Variants in CCDC7 observed in about 807,000 individuals in gnomAD.
The protein encoded by CCDC7 is coiled-coil domain containing 7.
CCDC7 carries 183 observed loss-of-function variants against 196.9 expected under a neutral mutation model. That is an observed-to-expected ratio of 0.93 (90% confidence interval 0.82 to 1.05). The LOEUF is 1.05. Ranked by LOEUF, CCDC7 falls within the 50% of genes least tolerant of loss-of-function variation. The pLI is 0.00. For missense variants in CCDC7, 1,540 were observed against 1,482.2 expected (o/e 1.04, Z -0.64); for synonymous variants, 525 against 484.6 (o/e 1.08, Z -1.10).
chr10:32,653,691 A>G (rs1177610965), intron 20 of CCDC7, among the ~76,000 whole-genome samples: 3 of 152,190 alleles, frequency 2.0e-5, no homozygotes, highest in Non-Finnish European at 4.4e-5. Context: ...AGCCAAAGGA[A>G]AAATCTTACA....
intron 21 of CCDC7, among the ~76,000 whole-genome samples, chr10:32,670,517 A>C (rs917299797): frequency 6.7e-6 from 1 of 148,648 alleles, no homozygotes; most frequent in Non-Finnish European, 1.5e-5. Flanking sequence ...CATTAGGTAT[A>C]TCTCCCAGTG....
intron 18 of CCDC7, among the ~76,000 whole-genome samples, chr10:32,598,322 T>A (rs1228925244): frequency 1.3e-5 from 2 of 152,196 alleles, no homozygotes; most frequent in African/African-American, 4.8e-5. Context: ...GGATATAATC[T>A]CCTGGTATGC....
In CCDC7 at chr10:32,559,727, C is replaced by A. The variant is rs1293859732; in HGVS notation, c.1135-5831C>A. 1.2e-4 allele frequency among the ~76,000 whole-genome samples: 18 copies of A among 151,542 alleles called. No individual in the cohort carries two copies. In the East Asian group the frequency reaches 3.5e-3, roughly 29 times the overall value. ...TAAAACCACAAAGATGGGGAAAAAA[C>A]AGAGCAGAAAAACTGGAAACTCTAA... On this transcript the variant is annotated intron_variant, in intron 13 of 41. Coordinates refer to ENST00000639629, the Ensembl canonical transcript of CCDC7.
At chr10:32,623,728 G>T in intron 18 of CCDC7, 1 of 469,786 alleles carries the variant, frequency 2.1e-6, no homozygotes, top group Non-Finnish European at 4.4e-6. Flanking sequence ...GGCAGTACAA[G>T]AAACATGGTG....
chr10:32,554,353 A>G (rs1362891251), intron 13 of CCDC7, among the ~76,000 whole-genome samples: 1 of 152,162 alleles, frequency 6.6e-6, no homozygotes, highest in South Asian at 2.1e-4. Context: ...GCCCTGTTCA[A>G]ATTGTTACAA....
intron 28 of CCDC7, among the ~76,000 whole-genome samples, chr10:32,767,876 G>A (rs2078575194): frequency 6.6e-6 from 1 of 151,968 alleles, no homozygotes. Flanking sequence ...ACATAGAGAA[G>A]GAATCCAGAA....
chr10:32,586,216 G>A (rs575804142), intron 18 of CCDC7, among the ~76,000 whole-genome samples: 1 of 152,144 alleles, frequency 6.6e-6, no homozygotes, highest in African/African-American at 2.4e-5. Flanking sequence ...CTTTTTGATG[G>A]GGTTGTTTGT....
intron 29 of CCDC7, among the ~76,000 whole-genome samples, chr10:32,783,703 T>TAAC (rs2081389788): frequency 6.6e-6 from 1 of 152,230 alleles, no homozygotes. Context: ...CCAGCATTTA[T>TAAC]AACAGCATTA....
intron 28 of CCDC7, among the ~76,000 whole-genome samples, chr10:32,755,953 GAT>G (rs2076371455): frequency 6.6e-6 from 1 of 152,160 alleles, no homozygotes; most frequent in Non-Finnish European, 1.5e-5. Context: ...AGAACTATGT[GAT>G]ACATGCACAA....
rs193030401 is a variant in CCDC7, at chr10:32,720,093, G to A, written c.2570-6641G>A. On this transcript the variant is annotated intron_variant, in intron 25 of 41. Transcript: ENST00000639629. ...TTATACTATAAAGACACATGCACAC[G>A]TATGTTTATTGCAGCACTATTCACA... is the stretch of plus-strand genomic sequence containing the variant. Among the ~76,000 whole-genome samples, 804 of 152,170 alleles carry A rather than the reference G, an allele frequency of 5.3e-3. 3 individuals are homozygous for A. Among genetic ancestry groups the A allele is most frequent in the Middle Eastern group, 0.014 (4 of 294 alleles).
Position 32,848,590 on chromosome 10 carries a change from T to C in CCDC7, c.3773-6T>C. 2 of 1,460,934 alleles carry C rather than the reference T, an allele frequency of 1.4e-6. No individual in the cohort carries two copies. The highest frequency in any genetic ancestry group is 1.9e-6 in the Non-Finnish European group (2 of 1,039,906). 90.5% of individuals were successfully genotyped at this position (1,460,934 alleles called of 1,614,324 possible). On this transcript the variant is annotated splice_polypyrimidine_tract_variant and splice_region_variant and intron_variant, in intron 38 of 41. Coordinates refer to ENST00000639629, the Ensembl canonical transcript of CCDC7. ...ATGCACTTTTTCTTTTAAAATTTTATTTTAGATGTGAACTTATTTAAAAAC... is the reference window on the plus strand; with the variant it reads ...ATGCACTTTTTCTTTTAAAATTTTACTTTAGATGTGAACTTATTTAAAAAC...
chr10:32,673,388 TATTA>T (rs1486104455), intron 21 of CCDC7, among the ~76,000 whole-genome samples: 2 of 152,116 alleles, frequency 1.3e-5, no homozygotes, highest in African/African-American at 2.4e-5. Context: ...ATTGTAACAA[TATTA>T]ATTTTTCCAT....
Position 32,834,504 on chromosome 10 carries a change from G to A in CCDC7, c.3269-311G>A, listed in dbSNP as rs115312432. ...GGAAAAGAGGCAGCATTGTATGGAAGAAAGCACTGGTTAAGGAGTAACAAA... is the reference window on the plus strand; with the variant it reads ...GGAAAAGAGGCAGCATTGTATGGAAAAAAGCACTGGTTAAGGAGTAACAAA... On this transcript the variant is annotated intron_variant, in intron 32 of 41. Coordinates refer to ENST00000639629, the Ensembl canonical transcript of CCDC7. 5.6e-3 allele frequency among the ~76,000 whole-genome samples: 850 copies of A among 152,172 alleles called. 14 individuals carry two copies. The highest frequency in any genetic ancestry group is 0.02 in the African/African-American group (831 of 41,552).
intron 16 of CCDC7, among the ~76,000 whole-genome samples, chr10:32,574,905 CTCAT>C (rs1290648403): frequency 6.6e-6 from 1 of 152,130 alleles, no homozygotes; most frequent in African/African-American, 2.4e-5. Flanking sequence ...GTTAAATTTA[CTCAT>C]TCATTTATTC....
chr10:32,516,696 A>G (rs774045183), intron 9 of CCDC7, among the ~76,000 whole-genome samples: 42 of 152,352 alleles, frequency 2.8e-4, no homozygotes, highest in Admixed American at 9.1e-4. Flanking sequence ...AAGTATGTAG[A>G]GAGATTGGGA....
chr10:32,676,971 A>G (rs550180652), intron 21 of CCDC7, among the ~76,000 whole-genome samples: 1 of 152,088 alleles, frequency 6.6e-6, no homozygotes, highest in East Asian at 1.9e-4. Context: ...AACCAACCCA[A>G]ATGTCCAACA....
chr10:32,568,778 T>C (rs1440940690), intron 15 of CCDC7, among the ~76,000 whole-genome samples: 3 of 152,180 alleles, frequency 2.0e-5, no homozygotes, highest in Non-Finnish European at 4.4e-5. Context: ...AGCTAGCTAT[T>C]AGCACCTCCA....
At chr10:32,488,925 G>T (rs2041711895) in intron 8 of CCDC7, among the ~76,000 whole-genome samples, 2 of 152,198 alleles carry the variant, frequency 1.3e-5, no homozygotes, top group African/African-American at 4.8e-5. Flanking sequence ...TGAGGTTGTG[G>T]CAGTTTAGTG....
chr10:32,820,361 C>A (rs1406962971), intron 31 of CCDC7, among the ~76,000 whole-genome samples: 2 of 152,112 alleles, frequency 1.3e-5, no homozygotes, highest in African/African-American at 2.4e-5. Flanking sequence ...TAGGAAGAAT[C>A]AATAGAATTG....
Sources: gnomAD v4.1 joint callset for allele counts (sites outside exome capture counted in the v4.1 genomes callset) on GRCh38, gnomAD v4.1.1 for gene constraint, MANE v1.5 for transcripts, NCBI Gene and HGNC (gene_info 2026-07-23, HGNC 2026-07-21) for gene names.